Variants in KLF12 observed in about 807,000 individuals in gnomAD.
The protein encoded by KLF12 is KLF transcription factor 12.
KLF12 carries 9 observed loss-of-function variants against 37.8 expected under a neutral mutation model. That is an observed-to-expected ratio of 0.24 (90% CI 0.14 to 0.42). The LOEUF (loss-of-function observed/expected upper bound fraction) is 0.42, where lower values mean the gene tolerates loss of function less well. Among genes scored for constraint, KLF12 ranks in the 10% least tolerant of loss-of-function variants. KLF12 has a pLI of 1.00. For synonymous variants in KLF12, 208 were observed against 202.1 expected, an observed-to-expected ratio of 1.03 and a Z score of -0.25; for missense variants, 411 against 516.0, an observed-to-expected ratio of 0.80 and a Z score of 1.97.
At chr13:74,090,455 A>G (rs979545915) in intron 1 of KLF12, among the ~76,000 whole-genome samples, 1 of 152,174 alleles carries the variant, frequency 6.6e-6, no homozygotes, top group Non-Finnish European at 1.5e-5. Flanking sequence ...TCCCAAATTA[A>G]TCTACAGATT....
intron 1 of KLF12, among the ~76,000 whole-genome samples, chr13:73,996,525 T>C (rs917930048): frequency 2.0e-5 from 3 of 152,270 alleles, no homozygotes; most frequent in Non-Finnish European, 4.4e-5. Flanking sequence ...TAATGTGCCA[T>C]AGGCATGTTC....
At chr13:74,250,881 A>G in the KLF12 span, among the ~76,000 whole-genome samples, 1 of 152,358 alleles carries the variant, frequency 6.6e-6, no homozygotes, top group East Asian at 1.9e-4. Flanking sequence ...AAACATGCCA[A>G]CATTCAAAGA....
chr13:74,082,413 A>C (rs1874970574), intron 1 of KLF12, among the ~76,000 whole-genome samples: 1 of 152,208 alleles, frequency 6.6e-6, no homozygotes, highest in South Asian at 2.1e-4. Flanking sequence ...TACTACTTAT[A>C]CTATAGGTAG....
the KLF12 span, among the ~76,000 whole-genome samples, chr13:74,286,458 T>C: frequency 1.9e-3 from 284 of 152,296 alleles, 3 homozygotes; most frequent in Middle Eastern, 0.017. Context: ...AAAAAGCGTA[T>C]TCAGGATAGA....
rs76036141 is a variant in KLF12 at position 73,899,323 on chromosome 13, C to G, written c.123+44658G>C. 8.2e-3 allele frequency among the ~76,000 whole-genome samples: 1,253 copies of G among 152,342 alleles called. 8 individuals carry two copies. The highest frequency in any genetic ancestry group is 0.013 in the Non-Finnish European group (918 of 68,022). ...GTATCTCATTGCTGCCTTCTCTCCC[C>G]ATATCCGTCTGTTTCCACCTAATGG... On this transcript the variant is annotated intron_variant, in intron 3 of 7. Coordinates refer to ENST00000377669, the MANE Select transcript of KLF12 (RefSeq NM_007249.5).
chr13:74,042,382 C>A (rs1893429457), intron 1 of KLF12, among the ~76,000 whole-genome samples: 2 of 151,984 alleles, frequency 1.3e-5, no homozygotes, highest in African/African-American at 4.8e-5. Flanking sequence ...GTCACACGTG[C>A]ATTCAGCGTT....
At chr13:73,835,772 GAAT>G (rs1456984519) in intron 4 of KLF12, among the ~76,000 whole-genome samples, 2 of 152,090 alleles carry the variant, frequency 1.3e-5, no homozygotes, top group Non-Finnish European at 1.5e-5. Flanking sequence ...AAGTTTCATG[GAAT>G]AATATTTATT....
chr13:74,003,770 C>T (rs4885143), intron 1 of KLF12, among the ~76,000 whole-genome samples: 132,040 of 152,184 alleles, frequency 0.87, 57,526 homozygotes, highest in Middle Eastern at 0.91. Context: ...CAGCTAAGCT[C>T]TACTGAAAAT....
the KLF12 span, among the ~76,000 whole-genome samples, chr13:74,141,007 G>C: frequency 2.6e-5 from 4 of 152,150 alleles, no homozygotes; most frequent in African/African-American, 9.7e-5. Flanking sequence ...GGAGCTTGCA[G>C]TGAGCCGAGA....
intron 3 of KLF12, among the ~76,000 whole-genome samples, chr13:73,924,114 A>G (rs1388725722): frequency 6.6e-6 from 1 of 152,250 alleles, no homozygotes; most frequent in Non-Finnish European, 1.5e-5. Flanking sequence ...GCATATACAC[A>G]GGTGTAAAGT....
chr13:73,914,360 G>A (rs919748119), intron 3 of KLF12, among the ~76,000 whole-genome samples: 16 of 152,192 alleles, frequency 1.1e-4, no homozygotes, highest in Admixed American at 3.3e-4. Flanking sequence ...TCAGCAGGGG[G>A]TGGTTGTGCT....
chr13:74,230,732 A>C, the KLF12 span, among the ~76,000 whole-genome samples: 2 of 152,226 alleles, frequency 1.3e-5, no homozygotes, highest in South Asian at 4.1e-4. Context: ...CTGTGCATGC[A>C]CGACTATCAA....
At chr13:73,875,732 AT>A (rs1489562213) in intron 3 of KLF12, among the ~76,000 whole-genome samples, 2 of 152,136 alleles carry the variant, frequency 1.3e-5, no homozygotes, top group South Asian at 4.1e-4. Context: ...AACGTTTTAC[AT>A]TTGATGAATT....
the KLF12 span, among the ~76,000 whole-genome samples, chr13:74,291,550 A>T: frequency 1.3e-5 from 2 of 152,224 alleles, no homozygotes; most frequent in Non-Finnish European, 2.9e-5. Flanking sequence ...TATATGGCGA[A>T]GGTTAATCCA....
intron 1 of KLF12, among the ~76,000 whole-genome samples, chr13:74,125,944 C>A (rs556391454): frequency 7.2e-5 from 11 of 152,264 alleles, no homozygotes; most frequent in African/African-American, 2.6e-4. Flanking sequence ...GGCTTTCTAG[C>A]GTTCAGCTCT....
At chr13:74,136,485 G>T (rs534009826), upstream of KLF12, among the ~76,000 whole-genome samples, 5 of 152,320 alleles carry the variant, frequency 3.3e-5, no homozygotes. Flanking sequence ...TGAAGGAAGG[G>T]AGTTTCACTG....
chr13:74,045,767 G>A (rs1045017876), intron 1 of KLF12, among the ~76,000 whole-genome samples: 2 of 152,148 alleles, frequency 1.3e-5, no homozygotes, highest in Non-Finnish European at 2.9e-5. Context: ...AGGGAAGCTG[G>A]CATGTCTGCA....
At chr13:73,884,458 T>C (rs1887123756) in intron 3 of KLF12, among the ~76,000 whole-genome samples, 1 of 152,214 alleles carries the variant, frequency 6.6e-6, no homozygotes, top group Admixed American at 6.5e-5. Context: ...ATAATCATCC[T>C]CTTTAAATCA....
chr13:73,760,930 C>T (rs568139851), intron 6 of KLF12, among the ~76,000 whole-genome samples: 3 of 152,110 alleles, frequency 2.0e-5, no homozygotes, highest in Non-Finnish European at 2.9e-5. Flanking sequence ...ATTTCTGGAG[C>T]CTTAAGTCAA....
Sources: gnomAD v4.1 joint callset for allele counts (sites outside exome capture counted in the v4.1 genomes callset) on GRCh38, gnomAD v4.1.1 for gene constraint, MANE v1.5 for transcripts, NCBI Gene and HGNC (gene_info 2026-07-23, HGNC 2026-07-21) for gene names.